ATF7: variants seen among roughly 807,000 people sequenced by gnomAD.
ATF7 encodes the protein activating transcription factor 7.
In ATF7, 10 loss-of-function variants were observed where a neutral mutation model predicts 50.4. The ratio of observed to expected loss-of-function variants is 0.20; its 90% CI spans 0.12 to 0.34. The LOEUF is 0.34. ATF7 is among the 10% of genes least tolerant of loss of function. The pLI is 1.00. For synonymous variants in ATF7, 201 were observed against 226.4 expected (o/e 0.89, Z 1.01); for missense variants, 465 against 613.9 (o/e 0.76, Z 2.56).
intron 2 of ATF7, among the ~76,000 whole-genome samples, chr12:53,591,591 C>T (rs1323010624): frequency 6.6e-6 from 1 of 152,188 alleles, no homozygotes; most frequent in East Asian, 1.9e-4. Flanking sequence ...CAGAGCTTGT[C>T]ATTGTAACCA....
At chr12:53,567,006 C>T (rs1231404458) in intron 2 of ATF7, among the ~76,000 whole-genome samples, 4 of 152,194 alleles carry the variant, frequency 2.6e-5, no homozygotes, top group Non-Finnish European at 4.4e-5. Flanking sequence ...CCCGCCTCTG[C>T]CTCCCTAAGT....
At chr12:53,582,883 C>A (rs1178729955) in intron 2 of ATF7, among the ~76,000 whole-genome samples, 2 of 152,122 alleles carry the variant, frequency 1.3e-5, no homozygotes, top group Non-Finnish European at 2.9e-5. Flanking sequence ...CGCACCTGGC[C>A]ATCAATTACT....
rs1293603793 is a variant in ATF7 at position 53,524,741 on chromosome 12, G to A, written c.948C>T (p.Thr316=). 6.2e-7 allele frequency: 1 copy of A among 1,609,308 alleles called. No individual in the cohort carries two copies. Among genetic ancestry groups the A allele is most frequent in the Admixed American group, 1.7e-5 (1 of 59,272 alleles). ...AQPQVSPAQP[T]PSTGGRRRRT... is the part of the protein sequence containing the mutation. ...GCCGCCGTCGCCCCCCAGTACTAGG[G>A]GTGGGCTGAGCTGGTGAGACCTGGT... Residue 316 remains threonine (T), a synonymous_variant, in exon 10 of 12, where the codon ACC becomes ACT. Transcript: ENST00000420353. The surrounding 1 kb of genome is among the most constrained non-coding windows in gnomAD (Gnocchi z 4.6).
At chr12:53,624,628 G>C (rs543918369) in intron 1 of ATF7, among the ~76,000 whole-genome samples, 1 of 152,072 alleles carries the variant, frequency 6.6e-6, no homozygotes, top group Non-Finnish European at 1.5e-5. Flanking sequence ...GTTACATTTC[G>C]CAAGAGCCTC....
At chr12:53,509,335 AGACAGTCTTCG>A (rs569458326), downstream of ATF7, among the ~76,000 whole-genome samples, 309 of 152,174 alleles carry the variant, frequency 2.0e-3, no homozygotes, top group Middle Eastern at 0.01. Context: ...CCATCTCCTC[AGACAGTCTTCG>A]GACATATTTA....
intron 1 of ATF7, chr12:53,625,905 A>T (rs995487417): frequency 6.6e-6 from 1 of 152,252 alleles, no homozygotes; most frequent in African/African-American, 2.4e-5. Flanking sequence ...CTCAGGATTC[A>T]ATTCCCCTCT....
chr12:53,572,568 A>C (rs933548675), intron 2 of ATF7, among the ~76,000 whole-genome samples: 1 of 151,906 alleles, frequency 6.6e-6, no homozygotes, highest in Non-Finnish European at 1.5e-5. Context: ...TGGCGGGGGG[A>C]AAGGGAAAAG....
Position 53,524,270 on chromosome 12 carries a change from A to G in ATF7, c.1125+294T>C, listed in dbSNP as rs944791761. 1.3e-5 allele frequency among the ~76,000 whole-genome samples: 2 copies of G among 152,172 alleles called. No homozygotes were observed. Among genetic ancestry groups the G allele is most frequent in the Non-Finnish European group, 2.9e-5 (2 of 68,026 alleles). On this transcript the variant is annotated intron_variant, in intron 10 of 11. Coordinates refer to ENST00000420353, the MANE Select transcript of ATF7 (RefSeq NM_006856.3). This position sits in a 1 kb window ranked among gnomAD's most constrained non-coding sequence, Gnocchi z 4.6. ...TTTCCCTTTTGGTTTTCATGACCCC[A>G]GTCAGATTCTACAGATGATTTAAAA...
intron 9 of ATF7, among the ~76,000 whole-genome samples, chr12:53,529,426 C>A (rs923733713): frequency 6.6e-6 from 1 of 151,226 alleles, no homozygotes; most frequent in Non-Finnish European, 1.5e-5. Flanking sequence ...TGGTCTCGAA[C>A]TCCTGACCTT....
chr12:53,517,100 C>G lies in ATF7; in HGVS notation c.*37G>C, dbSNP rs755716369. 2 of 1,599,006 alleles carry G rather than the reference C, an allele frequency of 1.3e-6. No individual in the cohort carries two copies. The highest frequency in any genetic ancestry group is 1.7e-5 in the Admixed American group (1 of 60,006). On this transcript the variant is annotated 3_prime_UTR_variant, in exon 12 of 12. Coordinates refer to ENST00000420353, the MANE Select transcript of ATF7 (RefSeq NM_006856.3). ...ACATCTCTCTTGGCTCTTGGGCGGG[C>G]GAGCTCTGGCTGAGGACCTCTCCAC...
At chr12:53,582,290 C>G (rs1942462258) in intron 2 of ATF7, among the ~76,000 whole-genome samples, 1 of 149,514 alleles carries the variant, frequency 6.7e-6, no homozygotes, top group Admixed American at 6.7e-5. Context: ...GATCATGCCA[C>G]TACACTCCAG....
rs1306023146 is a variant in ATF7 at position 53,524,685 on chromosome 12, C to T, written c.1004G>A (p.Arg335Gln). 3 of 1,613,444 alleles carry T rather than the reference C, an allele frequency of 1.9e-6. No individual in the cohort carries two copies. Among genetic ancestry groups the T allele is most frequent in the Non-Finnish European group, 2.5e-6 (3 of 1,179,874 alleles). The change falls in exon 10 of 12, where the codon CGG becomes CAG. Residue 335 changes from arginine to glutamine, a missense_variant. Physicochemically the swap from Arg to Gln is conservative, Grantham distance 43. Transcript: ENST00000420353. This position sits in a 1 kb window ranked among gnomAD's most constrained non-coding sequence, Gnocchi z 4.6. The part of the protein sequence containing the change: ...RTVDEDPDER[R>Q]QRFLERNRAA... ...CCGGTTGCGCTCCAGAAAGCGCTGC[C>T]GTCGCTCATCTGGATCTTCATCTAC...
chr12:53,575,360 T>G (rs1484932326), intron 2 of ATF7, among the ~76,000 whole-genome samples: 1 of 151,356 alleles, frequency 6.6e-6, no homozygotes, highest in African/African-American at 2.4e-5. Flanking sequence ...TGAGCCGAGA[T>G]TGTGCCATTG....
At chr12:53,621,032 A>C (rs1944358402) in intron 1 of ATF7, among the ~76,000 whole-genome samples, 1 of 152,246 alleles carries the variant, frequency 6.6e-6, no homozygotes, top group East Asian at 1.9e-4. Flanking sequence ...CAAGTTATGC[A>C]GTGATCTATA....
intron 3 of ATF7, among the ~76,000 whole-genome samples, chr12:53,547,437 C>T (rs1940019005): frequency 6.6e-6 from 1 of 151,922 alleles, no homozygotes; most frequent in Non-Finnish European, 1.5e-5. Flanking sequence ...AGGTGTGCAC[C>T]ACCATGCCCA....
chr12:53,540,205 G>C (rs1218221632), intron 4 of ATF7, among the ~76,000 whole-genome samples: 1 of 151,772 alleles, frequency 6.6e-6, no homozygotes, highest in Admixed American at 6.6e-5. Flanking sequence ...ACAAAAATTA[G>C]CCAGGCATGG....
chr12:53,534,539 CAG>C lies in ATF7; in HGVS notation c.521_522del (p.Ser174CysfsTer27). The C allele has an allele frequency of 6.2e-7, 1 of 1,613,824 alleles. No individual in the cohort carries two copies. Among genetic ancestry groups the C allele is most frequent in the South Asian group, 1.1e-5 (1 of 91,060 alleles). On this transcript the variant is annotated frameshift_variant, in exon 6 of 12. Transcript: ENST00000420353. LOFTEE classifies it high-confidence loss of function. ...TTGGATGGTGGAGCCTGTGTGATGA[CAG>C]AGGTTGGGGAGGGAAGGGTTGGATG... The part of the protein sequence containing the change: ...PLHPTLPSPT[S>X]VITQAPPSNR...
downstream of ATF7, chr12:53,508,047 A>G (rs12319811): frequency 0.043 from 6,509 of 151,906 alleles, 397 homozygotes; most frequent in African/African-American, 0.13. Flanking sequence ...GAAAAAATAT[A>G]TTCAACTTCA....
rs187398459 is a variant in ATF7 at position 53,575,056 on chromosome 12, G to C, written c.49-22419C>G. ...GGAGGCCGAGGCGGGTGGATAACCT[G>C]AGGTCAGGAGTTCAACACCAGCCTG... On this transcript the variant is annotated intron_variant, in intron 2 of 11. Transcript: ENST00000420353. 12 of 168,264 alleles carry C rather than the reference G, an allele frequency of 7.1e-5. No homozygotes were observed. The East Asian group carries it at 7.2e-4, about 10-fold the overall frequency. 10.4% of individuals were successfully genotyped at this position (168,264 alleles called of 1,614,324 possible). A position where few individuals can be genotyped will look rare whatever the true frequency, so the allele number is the denominator to read the frequency against.
Sources: allele counts gnomAD v4.1 joint callset (sites outside exome capture counted in the v4.1 genomes callset), GRCh38; gene constraint gnomAD v4.1.1; non-coding constraint Gnocchi (gnomAD v3.1); transcripts MANE v1.5; gene names NCBI Gene and HGNC (gene_info 2026-07-23, HGNC 2026-07-21).